Variants in DNAH1 observed in about 807,000 individuals in gnomAD.
The protein encoded by DNAH1 is dynein axonemal heavy chain 1, also known as axonemal beta dynein heavy chain 1.
In DNAH1, 327 loss-of-function variants were observed where a neutral mutation model predicts 484.3. The ratio of observed to expected loss-of-function variants is 0.68; its 90% confidence interval spans 0.62 to 0.74. The LOEUF (loss-of-function observed/expected upper bound fraction) is 0.74, where lower values mean the gene tolerates loss of function less well. DNAH1 is among the 30% of genes least tolerant of loss of function. The pLI, the probability that DNAH1 is intolerant of heterozygous loss-of-function variation, is 0.00. For synonymous variants in DNAH1, 2,192 were observed against 2,191.9 expected (o/e 1.00, Z 0.00); for missense variants, 5,052 against 5,546.8 (o/e 0.91, Z 2.83).
Position 52,353,657 on chromosome 3 carries a change from G to A in DNAH1, c.3480+24G>A. The A allele has an allele frequency of 1.9e-6, 3 of 1,563,018 alleles. No homozygotes were observed. Among genetic ancestry groups the A allele is most frequent in the Non-Finnish European group, 2.6e-6 (3 of 1,155,712 alleles). On this transcript the variant is annotated intron_variant, in intron 20 of 77. Transcript: ENST00000420323. The surrounding 1 kb of genome is among the most constrained non-coding windows in gnomAD (Gnocchi z 5.0). ...AGGTGGGTAGCCACCAGCGGGCCCA[G>A]CCACTCCAGCCAGGCCCTGCCGGAC...
At position 52,375,288 on chromosome 3, in the gene DNAH1, C is replaced by T. The variant is rs1054367308; in HGVS notation, c.7034C>T (p.Pro2345Leu). The T allele has an allele frequency of 4.3e-6, 7 of 1,611,796 alleles. No individual in the cohort carries two copies. The highest frequency in any genetic ancestry group is 5.9e-6 in the Non-Finnish European group (7 of 1,179,072). The stretch of plus-strand genomic sequence containing the variant: ...ATCAACTTTGTCTGTGCCATGGGCC[C>T]CCCGGGTGGAGGCAGGAACACCGTC... The part of the protein sequence containing the change: ...VDINFVCAMG[P>L]PGGGRNTVTP... The change falls in exon 45 of 78, where the codon CCC becomes CTC. Residue 2345 changes from proline to leucine, a missense_variant. Pro to Leu is a moderately conservative substitution (Grantham distance 98). Coordinates refer to ENST00000420323, the MANE Select transcript of DNAH1 (RefSeq NM_015512.5).
chr3:52,361,807 T>C lies in DNAH1; in HGVS notation c.4980+41T>C. 6.5e-7 allele frequency: 1 copy of C among 1,547,320 alleles called. No homozygotes were observed. Among genetic ancestry groups the C allele is most frequent in the Non-Finnish European group, 8.8e-7 (1 of 1,141,796 alleles). ...CCACCTTACTCCCTCAGATCTGCCA[T>C]ACTCACGCCGCCATACTGCTCCCCA... On this transcript the variant is annotated intron_variant, in intron 30 of 77. Coordinates refer to ENST00000420323, the MANE Select transcript of DNAH1 (RefSeq NM_015512.5). The surrounding 1 kb of genome is among the most constrained non-coding windows in gnomAD (Gnocchi z 5.6).
intron 22 of DNAH1, 88 bp downstream of exon 22, chr3:52,356,866 A>G: frequency 6.9e-7 from 1 of 1,458,468 alleles, no homozygotes; most frequent in Non-Finnish European, 9.3e-7. Context: ...TTCCCTCCCT[A>G]CACAGAAAAG....
chr3:52,311,759 TG>T (rs1700767243), upstream of DNAH1, among the ~76,000 whole-genome samples: 1 of 152,114 alleles, frequency 6.6e-6, no homozygotes, highest in South Asian at 2.1e-4. Flanking sequence ...GTGGGGTTGC[TG>T]GGACCCAGGG....
chr3:52,397,130 G>C (rs1020311228), intron 73 of DNAH1, 86 bp downstream of exon 73: 9 of 1,246,766 alleles, frequency 7.2e-6, no homozygotes, highest in Non-Finnish European at 8.8e-6. Context: ...CTGGGTGGGA[G>C]GAGATGCAGC....
intron 4 of DNAH1, 100 bp downstream of exon 4, chr3:52,326,414 A>G: frequency 7.2e-7 from 1 of 1,379,380 alleles, no homozygotes; most frequent in Non-Finnish European, 9.8e-7. Context: ...TCCTCATGGC[A>G]GAGCCTGTGC....
chr3:52,322,259 TAGG>T, intron 1 of DNAH1, 147 bp from the exon 2 acceptor site: 2 of 598,068 alleles, frequency 3.3e-6, no homozygotes, highest in East Asian at 2.8e-5. Flanking sequence ...CTGTCCAGAT[TAGG>T]AGGAGACCAC....
At chr3:52,374,406 G>C in intron 44 of DNAH1, 1 of 1,323,824 alleles carries the variant, frequency 7.6e-7, no homozygotes. Flanking sequence ...CACCCCCACA[G>C]AACCAGTGGT....
rs768525698 is a variant in DNAH1 at position 52,364,700 on chromosome 3, G to A, written c.5307G>A (p.Lys1769=). Residue 1769 remains lysine (K), a synonymous_variant, in exon 33 of 78, where the codon AAG becomes AAA. Coordinates refer to ENST00000420323, the MANE Select transcript of DNAH1 (RefSeq NM_015512.5). The surrounding 1 kb of genome is among the most constrained non-coding windows in gnomAD (Gnocchi z 4.2). ...KTVISAAGNL[K]RENPSMNEEL... ...TGATCTCGGCTGCTGGGAACCTCAA[G>A]CGAGAAAACCCCAGCATGAATGAGG... The A allele has an allele frequency of 1.2e-6, 2 of 1,613,830 alleles. No individual in the cohort carries two copies. The highest frequency in any genetic ancestry group is 1.1e-5 in the South Asian group (1 of 91,066).
At position 52,395,990 on chromosome 3, in the gene DNAH1, G is replaced by A. The variant is rs1341022505; in HGVS notation, c.11259+312G>A. Among the ~76,000 whole-genome samples, 2 of 151,190 alleles carry A rather than the reference G, an allele frequency of 1.3e-5. No homozygotes were observed. The highest frequency in any genetic ancestry group is 2.1e-4 in the South Asian group (1 of 4,726). On this transcript the variant is annotated intron_variant, in intron 70 of 77. Coordinates refer to ENST00000420323, the MANE Select transcript of DNAH1 (RefSeq NM_015512.5). The surrounding 1 kb of genome is among the most constrained non-coding windows in gnomAD (Gnocchi z 4.4). ...GTCTCACTCTGTCACCGGGGCTGGG[G>A]TGCAGTGGTGCAATCTCGGTTCACT...
In DNAH1 at chr3:52,358,814, C is replaced by T. The variant is rs1702729831; in HGVS notation, c.4266+77C>T. 18 of 1,555,638 alleles carry T rather than the reference C, an allele frequency of 1.2e-5. No homozygotes were observed. The Admixed American group carries it at 1.6e-4, about 14-fold the overall frequency. The stretch of plus-strand genomic sequence containing the variant: ...CTCTCAGTGCCCCTCCTGCTCTAGC[C>T]GGCCTCGTCCTCAGGCTGCAGCCCT... On this transcript the variant is annotated intron_variant, in intron 25 of 77. Transcript: ENST00000420323. This position sits in a 1 kb window ranked among gnomAD's most constrained non-coding sequence, Gnocchi z 4.2.
chr3:52,347,959 G>A lies in DNAH1; in HGVS notation c.2091G>A (p.Val697=), dbSNP rs781615657. 3 of 1,609,456 alleles carry A rather than the reference G, an allele frequency of 1.9e-6. No homozygotes were observed. The highest frequency in any genetic ancestry group is 2.5e-6 in the Non-Finnish European group (3 of 1,177,986). Reference sequence around the variant, plus strand: ...AGGGCATCCTGGCCACCCATGCCGTGCCCCAGCTGGAGAAGGTACGTGCTG... The same window carrying A: ...AGGGCATCCTGGCCACCCATGCCGTACCCCAGCTGGAGAAGGTACGTGCTG... ...FDKGILATHA[V]PQLEKLVMED... is the part of the protein sequence containing the mutation. Residue 697 remains valine (V), a synonymous_variant, in exon 12 of 78, where the codon GTG becomes GTA. Coordinates refer to ENST00000420323, the MANE Select transcript of DNAH1 (RefSeq NM_015512.5).
In DNAH1 at chr3:52,372,038, C is replaced by T. The variant is rs370575054; in HGVS notation, c.6618C>T (p.Thr2206=). 138 of 1,613,704 alleles carry T rather than the reference C, an allele frequency of 8.6e-5. No individual in the cohort carries two copies. Among genetic ancestry groups the T allele is most frequent in the African/African-American group, 1.3e-4 (10 of 74,900 alleles). Residue 2206 remains threonine (T), a synonymous_variant, in exon 42 of 78, where the codon ACC becomes ACT. Transcript: ENST00000420323. ...ACATCATTGTGCCCACCATGGACAC[C>T]GTGCAGATGTCCCATTTACTGGACA... is the stretch of plus-strand genomic sequence containing the variant. The part of the protein sequence containing the change: ...YCNIIVPTMD[T]VQMSHLLDML...
At chr3:52,372,801 G>C in intron 43 of DNAH1, 95 bp from the exon 44 acceptor site, 3 of 1,497,512 alleles carry the variant, frequency 2.0e-6, no homozygotes, top group Non-Finnish European at 1.8e-6. Context: ...ATTTAGCAAG[G>C]GCTTCCCAGA....
chr3:52,358,584 C>G lies in DNAH1; in HGVS notation c.4113C>G (p.Ile1371Met). The G allele has an allele frequency of 6.2e-7, 1 of 1,611,838 alleles. No homozygotes were observed. The highest frequency in any genetic ancestry group is 8.5e-7 in the Non-Finnish European group (1 of 1,179,138). ...TGCTATTCCAGGAGGACCTGGAGAT[C>G]ACGCACATGTACTCAGCCGAGGGGG... is the stretch of plus-strand genomic sequence containing the variant. ...ARLLFQEDLE[I>M]THMYSAEGEE... Residue 1371 changes from isoleucine to methionine, a missense_variant, in exon 25 of 78, where the codon ATC becomes ATG. Around this residue, in one of 4 missense-constraint regions of DNAH1, gnomAD observed 2,929 missense variants for 3,409.4 expected, o/e 0.86. Coordinates refer to ENST00000420323, the MANE Select transcript of DNAH1 (RefSeq NM_015512.5). The surrounding 1 kb of genome is among the most constrained non-coding windows in gnomAD (Gnocchi z 4.2).
Position 52,353,639 on chromosome 3 carries a change from T to A in DNAH1, c.3480+6T>A. The A allele has an allele frequency of 6.4e-7, 1 of 1,572,502 alleles. No homozygotes were observed. The stretch of plus-strand genomic sequence containing the variant: ...AGGAGTACGCCATCGAGCAGGTGGG[T>A]AGCCACCAGCGGGCCCAGCCACTCC... On this transcript the variant is annotated splice_donor_region_variant and intron_variant, in intron 20 of 77. Coordinates refer to ENST00000420323, the MANE Select transcript of DNAH1 (RefSeq NM_015512.5). The surrounding 1 kb of genome is among the most constrained non-coding windows in gnomAD (Gnocchi z 5.0).
intron 1 of DNAH1, among the ~76,000 whole-genome samples, chr3:52,320,824 G>A (rs1056422218): frequency 7.6e-6 from 1 of 132,276 alleles, no homozygotes; most frequent in African/African-American, 2.8e-5. Context: ...TTTTTTTGAC[G>A]GAATCTCGCT....
chr3:52,361,396 CTAG>C lies in DNAH1; in HGVS notation c.4874+45_4874+47del. On this transcript the variant is annotated intron_variant, in intron 29 of 77. Coordinates refer to ENST00000420323, the MANE Select transcript of DNAH1 (RefSeq NM_015512.5). The surrounding 1 kb of genome is among the most constrained non-coding windows in gnomAD (Gnocchi z 5.6). ...GTGGCACAGGATGGGGTGGGACAGC[CTAG>C]CTCTCCTTGGGGAGGGCTAGGTGAG... 1 of 1,500,378 alleles carries C rather than the reference CTAG, an allele frequency of 6.7e-7. No individual in the cohort carries two copies. The highest frequency in any genetic ancestry group is 8.9e-7 in the Non-Finnish European group (1 of 1,119,414). 92.9% of individuals were successfully genotyped at this position (1,500,378 alleles called of 1,614,324 possible). A position where few individuals can be genotyped will look rare whatever the true frequency, so the allele number is the denominator to read the frequency against.
rs1702911861 is a variant in DNAH1, at chr3:52,362,635, T to C, written c.5094+134T>C. The C allele has an allele frequency of 3.5e-6, 3 of 857,238 alleles. No individual in the cohort carries two copies. Among genetic ancestry groups the C allele is most frequent in the East Asian group, 2.7e-5 (1 of 37,542 alleles). 53.1% of individuals were successfully genotyped at this position (857,238 alleles called of 1,614,324 possible). A position where few individuals can be genotyped will look rare whatever the true frequency, so the allele number is the denominator to read the frequency against. On this transcript the variant is annotated intron_variant, in intron 31 of 77. Transcript: ENST00000420323. The surrounding 1 kb of genome is among the most constrained non-coding windows in gnomAD (Gnocchi z 5.1). The stretch of plus-strand genomic sequence containing the variant: ...ATTCCCTATGGTAGCCCCTTAGCCA[T>C]GGAGGGGAGGCCTCAGGGCCTCAGA...
Sources: gnomAD v4.1 joint callset for allele counts (sites outside exome capture counted in the v4.1 genomes callset) on GRCh38, gnomAD v4.1.1 for gene constraint, gnomAD v4.1.1 regional missense constraint, Gnocchi (gnomAD v3.1) non-coding constraint, MANE v1.5 for transcripts, NCBI Gene and HGNC (gene_info 2026-07-23, HGNC 2026-07-21) for gene names.